ATG10: variants seen among roughly 807,000 people sequenced by gnomAD.
ATG10 encodes the protein ubiquitin-like-conjugating enzyme ATG10.
Under a neutral mutation model 32.1 loss-of-function variants are expected in ATG10, and 30 were observed. The observed-to-expected ratio is 0.94, with a 90% CI of 0.70 to 1.27. The LOEUF is 1.27. Among genes scored for constraint, ATG10 ranks in the 50% most tolerant of loss-of-function variants. The pLI, the probability that ATG10 is intolerant of heterozygous loss-of-function variation, is 0.00. For synonymous variants in ATG10, 87 were observed against 91.5 expected (o/e 0.95, Z 0.28); for missense variants, 233 against 262.3 (o/e 0.89, Z 0.77).
chr5:82,026,580 T>G (rs920942860), intron 2 of ATG10, among the ~76,000 whole-genome samples: 1 of 152,198 alleles, frequency 6.6e-6, no homozygotes, highest in African/African-American at 2.4e-5. Context: ...ATTTTGTTAC[T>G]TCTTGACTGA....
chr5:81,992,461 G>A (rs936883481), intron 2 of ATG10: 1 of 151,608 alleles, frequency 6.6e-6, no homozygotes, highest in African/African-American at 2.4e-5. Context: ...GAGTGCAGTG[G>A]TGCGTTCCTG....
intron 2 of ATG10, among the ~76,000 whole-genome samples, chr5:82,025,814 A>G (rs913853620): frequency 5.3e-5 from 8 of 152,152 alleles, no homozygotes; most frequent in Admixed American, 5.2e-4. Flanking sequence ...ACCAGGTATT[A>G]CCTGCCCCTG....
intron 2 of ATG10, among the ~76,000 whole-genome samples, chr5:82,051,011 TTA>T (rs960267162): frequency 2.8e-4 from 42 of 152,158 alleles, no homozygotes; most frequent in Admixed American, 5.2e-4. Context: ...ACCCTATCTG[TTA>T]AAAAAACAAT....
chr5:82,170,352 A>G (rs75842467), intron 4 of ATG10, among the ~76,000 whole-genome samples: 3,387 of 152,276 alleles, frequency 0.022, 92 homozygotes, highest in African/African-American at 0.074. Flanking sequence ...ATATGCTGAA[A>G]CAAATCACTG....
chr5:82,153,084 G>A (rs1277008812), intron 3 of ATG10, among the ~76,000 whole-genome samples: 3 of 152,196 alleles, frequency 2.0e-5, no homozygotes, highest in African/African-American at 7.2e-5. Flanking sequence ...CTGCCAACTG[G>A]ATAAGGCCTC....
chr5:82,002,971 C>T lies in ATG10; in HGVS notation c.108+15293C>T, dbSNP rs74616305. Among the ~76,000 whole-genome samples, 877 of 152,238 alleles carry T rather than the reference C, an allele frequency of 5.8e-3. 7 individuals are homozygous for T. The highest frequency in any genetic ancestry group is 0.02 in the African/African-American group (816 of 41,562). On this transcript the variant is annotated intron_variant, in intron 2 of 7. Transcript: ENST00000282185. ...AAAAAACGAGAAAAAAATTATTTCA[C>T]GTGACCTAAGAACACAGTATTTTGA...
intron 2 of ATG10, among the ~76,000 whole-genome samples, chr5:82,016,833 C>T (rs940404123): frequency 9.9e-5 from 15 of 151,884 alleles, no homozygotes; most frequent in East Asian, 1.9e-4. Context: ...GGACTGTAGG[C>T]GCCTGCCACC....
intron 1 of ATG10, among the ~76,000 whole-genome samples, chr5:81,980,150 C>G (rs1247443076): frequency 2.6e-5 from 4 of 152,098 alleles, no homozygotes; most frequent in Non-Finnish European, 4.4e-5. Flanking sequence ...TATCCAGTTT[C>G]CTTTTTCATC....
rs141842848 is a variant in ATG10, at chr5:82,205,039, G to A, written c.453+26452G>A. 1.8e-4 allele frequency among the ~76,000 whole-genome samples: 27 copies of A among 152,346 alleles called. No homozygotes were observed. The East Asian group carries it at 4.6e-3, about 26-fold the overall frequency. ...AGACTGCCTGTGAAAGGTACTAAGAGAGGGTGGTCAGAAGTGTACGAGGAA... is the reference window on the plus strand; with the variant it reads ...AGACTGCCTGTGAAAGGTACTAAGAAAGGGTGGTCAGAAGTGTACGAGGAA... On this transcript the variant is annotated intron_variant, in intron 5 of 7. Transcript: ENST00000282185.
intron 3 of ATG10, among the ~76,000 whole-genome samples, chr5:82,108,658 A>C (rs995796185): frequency 3.9e-5 from 6 of 152,032 alleles, no homozygotes; most frequent in Non-Finnish European, 5.9e-5. Flanking sequence ...TCTTTTTATC[A>C]TGTTATGCTG....
At chr5:82,230,378 A>G (rs989163890) in intron 5 of ATG10, among the ~76,000 whole-genome samples, 8 of 152,192 alleles carry the variant, frequency 5.3e-5, no homozygotes, top group Non-Finnish European at 2.9e-5. Context: ...TTCATTCCAA[A>G]ATTTTTATTA....
At chr5:82,006,044 A>C (rs1761979113) in intron 2 of ATG10, among the ~76,000 whole-genome samples, 1 of 152,180 alleles carries the variant, frequency 6.6e-6, no homozygotes, top group African/African-American at 2.4e-5. Flanking sequence ...ATTTATATAT[A>C]GTAAAAATTT....
intron 3 of ATG10, among the ~76,000 whole-genome samples, chr5:82,070,227 TG>T (rs1764084154): frequency 6.6e-6 from 1 of 152,156 alleles, no homozygotes. Context: ...GGTCAGTGAA[TG>T]GGAGGGTACA....
At chr5:82,015,825 C>T (rs1213576315) in intron 2 of ATG10, among the ~76,000 whole-genome samples, 1 of 152,212 alleles carries the variant, frequency 6.6e-6, no homozygotes, top group African/African-American at 2.4e-5. Flanking sequence ...CTTCTCTCAA[C>T]TTGTCAAAGT....
chr5:82,249,206 T>C (rs1307506415), intron 5 of ATG10, among the ~76,000 whole-genome samples: 1 of 152,170 alleles, frequency 6.6e-6, no homozygotes, highest in East Asian at 1.9e-4. Context: ...TTCATTTAAA[T>C]TATTTTTCAT....
chr5:82,068,061 C>T (rs1422725088), intron 3 of ATG10, among the ~76,000 whole-genome samples: 1 of 152,102 alleles, frequency 6.6e-6, no homozygotes, highest in Non-Finnish European at 1.5e-5. Context: ...CCATTTAATA[C>T]ATTATTTTAA....
At chr5:81,994,654 A>G (rs1761608146) in intron 2 of ATG10, among the ~76,000 whole-genome samples, 1 of 152,342 alleles carries the variant, frequency 6.6e-6, no homozygotes, top group African/African-American at 2.4e-5. Flanking sequence ...ATAAGCTTTA[A>G]TTAAAGCCTC....
intron 3 of ATG10, among the ~76,000 whole-genome samples, chr5:82,108,681 A>G (rs887447737): frequency 1.3e-5 from 2 of 152,046 alleles, no homozygotes; most frequent in Non-Finnish European, 2.9e-5. Flanking sequence ...TTTGCATTAT[A>G]TGATGTCAGT....
chr5:81,989,205 C>T (rs1664759171), intron 2 of ATG10, among the ~76,000 whole-genome samples: 1 of 152,352 alleles, frequency 6.6e-6, no homozygotes, highest in African/African-American at 2.4e-5. Context: ...TAACATTTTA[C>T]CCGGTTCCCG....
Sources: gnomAD v4.1 joint callset for allele counts (sites outside exome capture counted in the v4.1 genomes callset) on GRCh38, gnomAD v4.1.1 for gene constraint, MANE v1.5 for transcripts, NCBI Gene and HGNC (gene_info 2026-07-23, HGNC 2026-07-21) for gene names.